TSHZ3: variants seen among roughly 807,000 people sequenced by gnomAD.
TSHZ3 encodes the protein teashirt zinc finger homeobox 3.
Under a neutral mutation model 64.5 loss-of-function variants are expected in TSHZ3, and 10 were observed. That is an observed-to-expected ratio of 0.16 (90% CI 0.10 to 0.26). TSHZ3 has a LOEUF of 0.26. TSHZ3 is among the 10% of genes least tolerant of loss of function. The probability of loss-of-function intolerance (pLI) is 1.00; values close to 1 mark genes in which losing one functional copy is unlikely to be tolerated. For synonymous variants in TSHZ3, 608 were observed against 593.1 expected, an observed-to-expected ratio of 1.03 and a Z score of -0.36; for missense variants, 1,242 against 1,421.7, an observed-to-expected ratio of 0.87 and a Z score of 2.03.
At chr19:31,260,732 C>T (rs995556846) in intron 1 of TSHZ3, among the ~76,000 whole-genome samples, 2 of 152,180 alleles carry the variant, frequency 1.3e-5, no homozygotes, top group Non-Finnish European at 2.9e-5. Flanking sequence ...ACTTGGGAAG[C>T]ACAGCTCTGG....
At chr19:31,263,431 G>A (rs762420648) in intron 1 of TSHZ3, among the ~76,000 whole-genome samples, 21 of 131,156 alleles carry the variant, frequency 1.6e-4, no homozygotes, top group Non-Finnish European at 2.4e-4. Context: ...CTCGCCACCC[G>A]CTGCCCACGG....
At chr19:31,273,686 G>A (rs918505042), downstream of TSHZ3, among the ~76,000 whole-genome samples, 4 of 152,240 alleles carry the variant, frequency 2.6e-5, no homozygotes, top group Admixed American at 6.5e-5. Context: ...GAGGGAGGAT[G>A]TCTCTGTCCC....
At chr19:31,154,146 G>T (rs1284384361) in intron 6 of TSHZ3, among the ~76,000 whole-genome samples, 3 of 152,188 alleles carry the variant, frequency 2.0e-5, no homozygotes, top group Non-Finnish European at 4.4e-5. Context: ...CCCAGAAAGA[G>T]AGCACCAAAC....
intron 3 of TSHZ3, among the ~76,000 whole-genome samples, chr19:31,238,907 T>A (rs543700737): frequency 1.3e-5 from 2 of 152,364 alleles, no homozygotes; most frequent in East Asian, 3.9e-4. Flanking sequence ...AGGTTTAAGT[T>A]CATCTTATAA....
chr19:31,280,786 T>TCC (rs1269086149), intron 1 of TSHZ3, among the ~76,000 whole-genome samples: 15 of 152,388 alleles, frequency 9.8e-5, no homozygotes, highest in African/African-American at 3.6e-4. Flanking sequence ...CGCCTGCAGG[T>TCC]TCTGGAAGAT....
chr19:31,339,807 G>T (rs566780834), intron 1 of TSHZ3, among the ~76,000 whole-genome samples: 1 of 133,978 alleles, frequency 7.5e-6, no homozygotes, highest in African/African-American at 3.2e-5. Context: ...AAAAAAAAAA[G>T]GGGGGGGCGT....
chr19:31,313,831 TA>T (rs1396248472), intron 1 of TSHZ3, among the ~76,000 whole-genome samples: 1 of 152,174 alleles, frequency 6.6e-6, no homozygotes, highest in Non-Finnish European at 1.5e-5. Flanking sequence ...AGTGGGGTAT[TA>T]TCGAGAAGGG....
intron 1 of TSHZ3, among the ~76,000 whole-genome samples, chr19:31,299,852 GGAACACTGTATCATCGCCACTGT>G (rs1436500984): frequency 2.6e-5 from 4 of 152,188 alleles, no homozygotes; most frequent in African/African-American, 9.7e-5. Context: ...GGGGACAGTA[GGAACACTGTATCATCGCCACTGT>G]GAACACAGAA....
intron 1 of TSHZ3, among the ~76,000 whole-genome samples, chr19:31,289,025 C>T (rs78639199): frequency 0.039 from 6,010 of 152,290 alleles, 212 homozygotes; most frequent in African/African-American, 0.1. Flanking sequence ...ATGCAACTGG[C>T]CACATCCGCC....
intron 1 of TSHZ3, among the ~76,000 whole-genome samples, chr19:31,302,488 A>G (rs542022686): frequency 8.5e-5 from 13 of 152,372 alleles, no homozygotes; most frequent in African/African-American, 3.1e-4. Flanking sequence ...TGTGTAAGTT[A>G]CATGAAAATT....
intron 1 of TSHZ3, among the ~76,000 whole-genome samples, chr19:31,302,278 G>A (rs750882391): frequency 1.3e-5 from 2 of 152,110 alleles, no homozygotes; most frequent in Non-Finnish European, 2.9e-5. Flanking sequence ...TGTGATCCGT[G>A]CCCTGGAAAC....
intron 1 of TSHZ3, among the ~76,000 whole-genome samples, chr19:31,287,351 G>T (rs796247456): frequency 1.1e-4 from 16 of 152,126 alleles, no homozygotes; most frequent in African/African-American, 3.9e-4. Flanking sequence ...TTCCTTTTCC[G>T]CATGTCTTCT....
chr19:31,269,747 C>T (rs1277479052), intron 1 of TSHZ3, among the ~76,000 whole-genome samples: 1 of 152,134 alleles, frequency 6.6e-6, no homozygotes, highest in African/African-American at 2.4e-5. Flanking sequence ...ACTTAACCCC[C>T]CCAAATTTAA....
chr19:31,309,886 G>A (rs145830208), intron 1 of TSHZ3, among the ~76,000 whole-genome samples: 4 of 152,050 alleles, frequency 2.6e-5, no homozygotes, highest in Admixed American at 6.5e-5. Flanking sequence ...TCAGAATTAC[G>A]TGCATCTGAG....
At chr19:31,166,418 G>A (rs1016657156) in intron 5 of TSHZ3, among the ~76,000 whole-genome samples, 9 of 152,206 alleles carry the variant, frequency 5.9e-5, no homozygotes, top group Non-Finnish European at 1.3e-4. Flanking sequence ...GAGGGAGAGG[G>A]AACAGGTGGC....
intron 5 of TSHZ3, among the ~76,000 whole-genome samples, chr19:31,186,993 G>T (rs1464584567): frequency 1.3e-5 from 2 of 151,894 alleles, no homozygotes; most frequent in African/African-American, 4.8e-5. Context: ...TTCATCTTTA[G>T]TTGCCAACTA....
At chr19:31,271,037 G>A (rs562923994), downstream of TSHZ3, among the ~76,000 whole-genome samples, 318 of 152,306 alleles carry the variant, frequency 2.1e-3, no homozygotes, top group Non-Finnish European at 3.6e-3. Context: ...TCCAGAAGCC[G>A]TGGACTTATC....
rs1976245764 is a variant in TSHZ3, at chr19:31,276,875, T to C, written c.2918A>G (p.His973Arg). ...TKFLKNLDTG[H>R]PVFFCNDCAS... ...ACAATCGTTACAAAAGAAGACGGGG[T>C]GGCCAGTGTCCAAGTTTTTGAGGAA... The change falls in exon 2 of 2, where the codon CAC (histidine) becomes CGC (arginine). Residue 973 changes from histidine to arginine, a missense_variant. By Grantham distance (29) the His-to-Arg change is conservative. Around this residue, in one of 4 missense-constraint regions of TSHZ3, gnomAD observed 126 missense variants for 140.6 expected, o/e 0.90. Transcript: ENST00000240587. The C allele has an allele frequency of 2.5e-6, 4 of 1,614,070 alleles. No homozygotes were observed. Among genetic ancestry groups the C allele is most frequent in the Non-Finnish European group, 3.4e-6 (4 of 1,180,046 alleles).
At chr19:31,250,362 C>T (rs375181001) in intron 1 of TSHZ3, among the ~76,000 whole-genome samples, 37 of 152,176 alleles carry the variant, frequency 2.4e-4, no homozygotes, top group African/African-American at 8.9e-4. Context: ...CATCTCTAAT[C>T]CTCACCCGCT....
Sources: gnomAD v4.1 joint callset for allele counts (sites outside exome capture counted in the v4.1 genomes callset) on GRCh38, gnomAD v4.1.1 for gene constraint, gnomAD v4.1.1 regional missense constraint, MANE v1.5 for transcripts, NCBI Gene and HGNC (gene_info 2026-07-23, HGNC 2026-07-21) for gene names.